Variants in ASTN2 observed in about 807,000 individuals in gnomAD.
The protein encoded by ASTN2 is astrotactin-2.
ASTN2 carries 54 observed loss-of-function variants against 139.8 expected under a neutral mutation model. The observed-to-expected ratio is 0.39, with a 90% confidence interval of 0.31 to 0.48. The LOEUF (loss-of-function observed/expected upper bound fraction) is 0.48. ASTN2 is among the 20% of genes least tolerant of loss of function. The probability of loss-of-function intolerance (pLI) is 0.95; values close to 1 mark genes in which losing one functional copy is unlikely to be tolerated. For missense variants in ASTN2, 1,565 were observed against 1,725.1 expected (o/e 0.91, Z 1.64); for synonymous variants, 756 against 719.5 (o/e 1.05, Z -0.81).
At chr9:116,944,615 G>T (rs1277346235) in intron 10 of ASTN2, among the ~76,000 whole-genome samples, 1 of 144,876 alleles carries the variant, frequency 6.9e-6, no homozygotes, top group African/African-American at 2.6e-5. Flanking sequence ...CCAGGGGACG[G>T]ATGCTGCAGT....
rs73520389 is a variant in ASTN2, at chr9:116,463,880, G to A, written c.3498-21327C>T. Among the ~76,000 whole-genome samples, 961 of 150,474 alleles carry A rather than the reference G, an allele frequency of 6.4e-3. 9 individuals carry two copies. Among genetic ancestry groups the A allele is most frequent in the African/African-American group, 0.022 (899 of 41,078 alleles). The stretch of plus-strand genomic sequence containing the variant: ...AACCCTTGAGTAGCTGGGATCACAG[G>A]TGCATGCCACCATGAACAGAGTTTT... On this transcript the variant is annotated intron_variant, in intron 20 of 22. Coordinates refer to ENST00000313400, the MANE Select transcript of ASTN2 (RefSeq NM_001365068.1).
intron 19 of ASTN2, among the ~76,000 whole-genome samples, chr9:116,515,934 A>T (rs958726062): frequency 1.3e-5 from 2 of 152,224 alleles, no homozygotes; most frequent in Non-Finnish European, 2.9e-5. Context: ...ACACACCACT[A>T]GAGTTACTAA....
intron 16 of ASTN2, among the ~76,000 whole-genome samples, chr9:116,659,941 C>A (rs925882400): frequency 9.2e-5 from 14 of 152,126 alleles, no homozygotes; most frequent in Admixed American, 3.3e-4. Flanking sequence ...AGCATCAGAC[C>A]CAAGCCCAGA....
At chr9:116,838,918 T>C (rs374847065) in intron 11 of ASTN2, among the ~76,000 whole-genome samples, 3 of 152,198 alleles carry the variant, frequency 2.0e-5, no homozygotes, top group African/African-American at 7.2e-5. Context: ...AAGAGGAAAA[T>C]GGGGAATTTT....
At chr9:116,473,203 AGACT>A (rs1170423382) in intron 20 of ASTN2, among the ~76,000 whole-genome samples, 2 of 152,238 alleles carry the variant, frequency 1.3e-5, no homozygotes, top group Non-Finnish European at 2.9e-5. Flanking sequence ...CATACATGAC[AGACT>A]GTCTTCATTC....
chr9:116,800,360 G>T (rs1014967874), intron 13 of ASTN2, among the ~76,000 whole-genome samples: 1 of 152,018 alleles, frequency 6.6e-6, no homozygotes, highest in Non-Finnish European at 1.5e-5. Flanking sequence ...TGTCACTCTT[G>T]CCCTGTCTTT....
chr9:116,718,972 G>GTGTGTGTGTGTA (rs56991546), intron 16 of ASTN2, among the ~76,000 whole-genome samples: 25 of 100,030 alleles, frequency 2.5e-4, no homozygotes, highest in African/African-American at 9.2e-4. Context: ...ACCTGTATCT[G>GTGTGTGTGTGTA]TACATATATA....
In ASTN2 at chr9:116,529,463, T is replaced by C. The variant is rs143831034; in HGVS notation, c.3356-41963A>G. Among the ~76,000 whole-genome samples the C allele has an allele frequency of 3.3e-3, 501 of 152,280 alleles. 3 individuals are homozygous for C. The highest frequency in any genetic ancestry group is 0.012 in the African/African-American group (480 of 41,554). ...ACTTGCTTTTGATTTTACAGGCTCA[T>C]AGGCAGAAGGGACTTTCTTTGTCTC... On this transcript the variant is annotated intron_variant, in intron 19 of 22. Transcript: ENST00000313400.
chr9:116,632,194 G>GAAAGAAAAAAAGAAAA (rs71377258), intron 17 of ASTN2, among the ~76,000 whole-genome samples: 1 of 42,034 alleles, frequency 2.4e-5, no homozygotes, highest in Admixed American at 2.9e-4. Context: ...GGGAGAGAGA[G>GAAAGAAAAAAAGAAAA]AGAAAGAAAG....
intron 19 of ASTN2, among the ~76,000 whole-genome samples, chr9:116,512,456 T>C (rs1487440622): frequency 1.3e-5 from 2 of 152,296 alleles, no homozygotes; most frequent in Admixed American, 6.5e-5. Flanking sequence ...TGCGATGTGG[T>C]GCTGAGAAGA....
chr9:116,847,130 T>G (rs1263105080), intron 11 of ASTN2, among the ~76,000 whole-genome samples: 1 of 152,108 alleles, frequency 6.6e-6, no homozygotes, highest in Admixed American at 6.5e-5. Flanking sequence ...TTTGTTTTGT[T>G]TTTTGAGATG....
At chr9:117,381,529 T>C (rs926543305) in intron 1 of ASTN2, among the ~76,000 whole-genome samples, 3 of 152,134 alleles carry the variant, frequency 2.0e-5, no homozygotes, top group Non-Finnish European at 4.4e-5. Flanking sequence ...CTTAAAAGTG[T>C]GTGGCACCTC....
Position 116,746,027 on chromosome 9 carries a change from A to C in ASTN2, c.2397-12504T>G, listed in dbSNP as rs144300893. Among the ~76,000 whole-genome samples, 941 of 151,084 alleles carry C rather than the reference A, an allele frequency of 6.2e-3. 60 individuals carry two copies. In the South Asian group the frequency reaches 0.16, roughly 26 times the overall value. On this transcript the variant is annotated intron_variant, in intron 13 of 22. Transcript: ENST00000313400. ...TTTCCCCTGCTTCTTAAGGCTGTCC[A>C]TATGGCTCATGGCCCCTTTCCTCAA...
At chr9:117,213,384 C>A (rs993904087) in intron 3 of ASTN2, among the ~76,000 whole-genome samples, 128 of 152,072 alleles carry the variant, frequency 8.4e-4, no homozygotes, top group African/African-American at 2.9e-3. Context: ...TTTCTAGTGT[C>A]CTATACCACT....
intron 13 of ASTN2, among the ~76,000 whole-genome samples, chr9:116,754,010 G>A (rs1052079939): frequency 1.7e-5 from 2 of 114,480 alleles, no homozygotes; most frequent in Non-Finnish European, 3.4e-5. Flanking sequence ...CCCCTGCTGC[G>A]TCCATGTGTT....
intron 1 of ASTN2, among the ~76,000 whole-genome samples, chr9:117,330,459 C>G (rs964148510): frequency 6.6e-6 from 1 of 152,210 alleles, no homozygotes; most frequent in African/African-American, 2.4e-5. Context: ...ATGCAAAGAG[C>G]AGAAGAGAAT....
rs73655463 is a variant in ASTN2 at position 116,666,415 on chromosome 9, T to C, written c.2807-14622A>G. 2.5e-3 allele frequency among the ~76,000 whole-genome samples: 387 copies of C among 152,296 alleles called. 1 individual carries two copies. Among genetic ancestry groups the C allele is most frequent in the African/African-American group, 8.8e-3 (367 of 41,558 alleles). ...TATGAATGCCATTAACAAAACATAG[T>C]AGTATGAACATTTCCTATGACTTTG... On this transcript the variant is annotated intron_variant, in intron 16 of 22. Transcript: ENST00000313400.
intron 4 of ASTN2, among the ~76,000 whole-genome samples, chr9:117,103,672 A>G (rs1829035658): frequency 6.6e-6 from 1 of 152,180 alleles, no homozygotes; most frequent in Admixed American, 6.5e-5. Flanking sequence ...GACATGTTAA[A>G]TTATTCAGGC....
intron 16 of ASTN2, among the ~76,000 whole-genome samples, chr9:116,662,812 T>C (rs1247892700): frequency 1.3e-5 from 2 of 152,162 alleles, no homozygotes; most frequent in African/African-American, 4.8e-5. Flanking sequence ...GTGGATCTCA[T>C]GGAATCCTCA....
Sources: allele counts gnomAD v4.1 joint callset (sites outside exome capture counted in the v4.1 genomes callset), GRCh38; gene constraint gnomAD v4.1.1; transcripts MANE v1.5; gene names NCBI Gene and HGNC (gene_info 2026-07-23, HGNC 2026-07-21).